SHROOM2: variants seen among roughly 807,000 people sequenced by gnomAD.
The protein encoded by SHROOM2 is protein Shroom2.
SHROOM2 carries 33 observed loss-of-function variants against 75.9 expected under a neutral mutation model. The ratio of observed to expected loss-of-function variants is 0.43; its 90% CI spans 0.33 to 0.58. SHROOM2 has a LOEUF of 0.58. SHROOM2 is among the 20% of genes least tolerant of loss of function. The probability of loss-of-function intolerance (pLI) is 0.04; values close to 1 mark genes in which losing one functional copy is unlikely to be tolerated. For synonymous variants in SHROOM2, 655 were observed against 663.6 expected, an observed-to-expected ratio of 0.99 and a Z score of 0.20; for missense variants, 1,434 against 1,461.2, an observed-to-expected ratio of 0.98 and a Z score of 0.30.
chrX:9,876,390 A>G (rs2084201060), intron 2 of SHROOM2, among the ~76,000 whole-genome samples: 1 of 111,969 alleles, frequency 8.9e-6, no homozygotes, highest in Non-Finnish European at 1.9e-5. Context: ...CTACAAAAGC[A>G]CCAATGGGTG....
intron 3 of SHROOM2, among the ~76,000 whole-genome samples, chrX:9,893,502 A>C (rs2084305439): frequency 8.9e-6 from 1 of 111,800 alleles, no homozygotes; most frequent in African/African-American, 3.3e-5. Context: ...CAGCTCTTTC[A>C]TTATAGCCCA....
At chrX:9,915,043 G>A (rs139377921) in intron 5 of SHROOM2, among the ~76,000 whole-genome samples, 40 of 112,442 alleles carry the variant, frequency 3.6e-4, no homozygotes, top group East Asian at 3.0e-3. Context: ...CTCAGCCTGC[G>A]TTGGTGTGGC....
chrX:9,848,331 C>T (rs1387403063), intron 1 of SHROOM2, among the ~76,000 whole-genome samples: 1 of 100,598 alleles, frequency 9.9e-6, no homozygotes, highest in African/African-American at 3.7e-5. Flanking sequence ...GGTGAAACCC[C>T]GTCTCTACTA....
chrX:9,876,255 T>C (rs2084200424), intron 2 of SHROOM2, among the ~76,000 whole-genome samples: 1 of 112,073 alleles, frequency 8.9e-6, no homozygotes, highest in African/African-American at 3.2e-5. Context: ...TCAATAACCG[T>C]GTTAGGAAAA....
intron 1 of SHROOM2, among the ~76,000 whole-genome samples, chrX:9,787,907 G>A (rs890461497): frequency 1.8e-5 from 2 of 110,286 alleles, no homozygotes; most frequent in Non-Finnish European, 3.8e-5. Context: ...ATGGTGGACA[G>A]TCATAAAGTG....
rs2083616525 is a variant in SHROOM2, at chrX:9,786,846, C to T, written c.165+136C>T. 7.2e-6 allele frequency: 3 copies of T among 416,924 alleles called. No homozygotes were observed. The Admixed American group carries it at 2.2e-4, about 31-fold the overall frequency. 34.4% of individuals were successfully genotyped at this position (416,924 alleles called of 1,213,427 possible). A position where few individuals can be genotyped will look rare whatever the true frequency, so the allele number is the denominator to read the frequency against. ...GCGCGCGTCTGCTGGGGTCACCTGCCGGGCCTGGGCGCCGGGACCGGCGTG... is the reference window on the plus strand; with the variant it reads ...GCGCGCGTCTGCTGGGGTCACCTGCTGGGCCTGGGCGCCGGGACCGGCGTG... On this transcript the variant is annotated intron_variant, in intron 1 of 9. Transcript: ENST00000380913.
At chrX:9,890,041 A>C (rs1212070146) in intron 2 of SHROOM2, among the ~76,000 whole-genome samples, 1 of 112,851 alleles carries the variant, frequency 8.9e-6, no homozygotes, top group Non-Finnish European at 1.9e-5. Flanking sequence ...ACAAGTTAAC[A>C]GTTGTCCATA....
intron 1 of SHROOM2, among the ~76,000 whole-genome samples, chrX:9,792,041 GAA>G (rs2083656242): frequency 1.8e-3 from 1 of 571 alleles, no homozygotes; most frequent in African/African-American, 5.2e-3. Flanking sequence ...GAATAGAATA[GAA>G]TAGAATAGAA....
chrX:9,806,560 T>A (rs1601916082), intron 1 of SHROOM2, among the ~76,000 whole-genome samples: 1 of 103,563 alleles, frequency 9.7e-6, no homozygotes, highest in Non-Finnish European at 1.9e-5. Context: ...CACATGCAAC[T>A]TTAATCCTTT....
At chrX:9,837,046 A>C (rs1484717390) in intron 1 of SHROOM2, among the ~76,000 whole-genome samples, 1 of 112,165 alleles carries the variant, frequency 8.9e-6, no homozygotes, top group African/African-American at 3.2e-5. Context: ...TGGTATCGGT[A>C]CTCCATTCCC....
At position 9,932,075 on chromosome X, in the gene SHROOM2, G is replaced by T; in HGVS notation, c.2892-100G>T. 4 of 801,735 alleles carry T rather than the reference G, an allele frequency of 5.0e-6. No homozygotes were observed. The South Asian group carries it at 1.6e-4, about 31-fold the overall frequency. 66.1% of individuals were successfully genotyped at this position (801,735 alleles called of 1,213,427 possible). A position where few individuals can be genotyped will look rare whatever the true frequency, so the allele number is the denominator to read the frequency against. On this transcript the variant is annotated intron_variant, in intron 5 of 9. Coordinates refer to ENST00000380913, the MANE Select transcript of SHROOM2 (RefSeq NM_001649.4). ...GAAAGTGCATATGGATTTAACTCCTGAAAGTGGCTTAAGGGGATTGTGAAG... is the reference window on the plus strand; with the variant it reads ...GAAAGTGCATATGGATTTAACTCCTTAAAGTGGCTTAAGGGGATTGTGAAG...
rs1259920364 is a variant in SHROOM2 at position 9,833,255 on chromosome X, G to A, written c.166-40397G>A. On this transcript the variant is annotated intron_variant, in intron 1 of 9. Transcript: ENST00000380913. The stretch of plus-strand genomic sequence containing the variant: ...GTGGAGCGGGCGTTTTATTACCTGT[G>A]ACCGCCCCATGTTGAAATGAATACA... Among the ~76,000 whole-genome samples the A allele has an allele frequency of 6.3e-5, 7 of 110,962 alleles. No individual in the cohort carries two copies. The Admixed American group carries it at 6.7e-4, about 11-fold the overall frequency.
intron 1 of SHROOM2, among the ~76,000 whole-genome samples, chrX:9,869,146 A>C: frequency 9.1e-6 from 1 of 109,769 alleles, no homozygotes; most frequent in South Asian, 4.0e-4. Flanking sequence ...TTTTTAGTAG[A>C]GACAGGGTTT....
intron 1 of SHROOM2, among the ~76,000 whole-genome samples, chrX:9,827,590 G>A (rs1569143499): frequency 9.1e-6 from 1 of 109,722 alleles, no homozygotes; most frequent in Non-Finnish European, 1.9e-5. Context: ...TGGTGGCCAA[G>A]GTGTCACAGG....
intron 3 of SHROOM2, among the ~76,000 whole-genome samples, chrX:9,893,441 G>T (rs1359920485): frequency 9.0e-6 from 1 of 111,586 alleles, no homozygotes; most frequent in East Asian, 2.8e-4. Context: ...TAACAGGCTA[G>T]CTAGTAAATG....
intron 1 of SHROOM2, among the ~76,000 whole-genome samples, chrX:9,847,126 C>T (rs940780429): frequency 8.9e-6 from 1 of 112,329 alleles, no homozygotes; most frequent in Admixed American, 9.4e-5. Context: ...CCATGAAACC[C>T]GACAAACCTC....
chrX:9,878,275 C>T (rs192799855), intron 2 of SHROOM2, among the ~76,000 whole-genome samples: 1 of 111,300 alleles, frequency 9.0e-6, no homozygotes, highest in Non-Finnish European at 1.9e-5. Context: ...GGGGCCAAAT[C>T]GTGGATAGGG....
At chrX:9,914,218 G>C (rs1171559584) in intron 5 of SHROOM2, among the ~76,000 whole-genome samples, 2 of 108,633 alleles carry the variant, frequency 1.8e-5, no homozygotes, top group African/African-American at 6.7e-5. Flanking sequence ...ATACACGTTG[G>C]TGTCAAGCAT....
At chrX:9,882,618 G>T (rs909382997) in intron 2 of SHROOM2, among the ~76,000 whole-genome samples, 9 of 111,901 alleles carry the variant, frequency 8.0e-5, no homozygotes, top group African/African-American at 2.6e-4. Context: ...GGTTCTGCCT[G>T]TGGCTTCTGT....
Sources: allele counts gnomAD v4.1 joint callset (sites outside exome capture counted in the v4.1 genomes callset), GRCh38; gene constraint gnomAD v4.1.1; transcripts MANE v1.5; gene names NCBI Gene and HGNC (gene_info 2026-07-23, HGNC 2026-07-21).